The following S100Z variants were observed in gnomAD, a reference collection of about 807,000 sequenced individuals.
The protein encoded by S100Z is S100 calcium binding protein Z.
A neutral mutation model predicts 8.5 loss-of-function variants in S100Z; 11 were observed. That is an observed-to-expected ratio of 1.30 (90% CI 0.82 to 2.15). The LOEUF is 2.15. Ranked by LOEUF, S100Z falls within the 30% of genes most tolerant of loss-of-function variation. The probability of loss-of-function intolerance (pLI) is 0.00; values close to 1 mark genes in which losing one functional copy is unlikely to be tolerated. For missense variants in S100Z, 126 were observed against 117.9 expected (o/e 1.07, Z -0.32); for synonymous variants, 34 against 43.8 (o/e 0.78, Z 0.89).
intron 1 of S100Z, among the ~76,000 whole-genome samples, chr5:76,853,796 TAAA>T (rs769640944): frequency 7.2e-6 from 1 of 138,180 alleles, no homozygotes. Context: ...GACTCCATCT[TAAA>T]AAAAAAAAAA....
chr5:76,868,887 G>T (rs1362781636), intron 1 of S100Z, among the ~76,000 whole-genome samples: 1 of 152,146 alleles, frequency 6.6e-6, no homozygotes, highest in Admixed American at 6.5e-5. Context: ...GCCTCCCAAA[G>T]TGCTGGGATT....
At chr5:76,901,505 C>T (rs533516210) in intron 4 of S100Z, among the ~76,000 whole-genome samples, 23 of 152,352 alleles carry the variant, frequency 1.5e-4, no homozygotes, top group African/African-American at 4.3e-4. Context: ...ATAGCCACCC[C>T]GACCCCAGGT....
the S100Z span, among the ~76,000 whole-genome samples, chr5:76,933,017 T>C: frequency 1.7e-4 from 26 of 152,356 alleles, no homozygotes; most frequent in African/African-American, 6.3e-4. Context: ...TAAATTTAAC[T>C]TACTGTCATA....
At chr5:76,887,459 G>T (rs1413049916) in intron 4 of S100Z, among the ~76,000 whole-genome samples, 1 of 145,034 alleles carries the variant, frequency 6.9e-6, no homozygotes, top group Non-Finnish European at 1.5e-5. Context: ...GAGGGCAGTG[G>T]CACTATCTTG....
chr5:76,915,990 G>A (rs889213917), intron 4 of S100Z, among the ~76,000 whole-genome samples: 5 of 151,860 alleles, frequency 3.3e-5, no homozygotes, highest in Admixed American at 6.6e-5. Context: ...GTGAAACCTC[G>A]TCTCTACTAA....
intron 4 of S100Z, among the ~76,000 whole-genome samples, chr5:76,892,529 TG>T (rs1002276131): frequency 5.3e-5 from 8 of 151,544 alleles, no homozygotes; most frequent in Admixed American, 4.6e-4. Flanking sequence ...TTGCCAAGAT[TG>T]GGGGCATGCA....
At chr5:76,853,747 A>G (rs373207011) in intron 1 of S100Z, among the ~76,000 whole-genome samples, 6 of 151,538 alleles carry the variant, frequency 4.0e-5, no homozygotes, top group South Asian at 2.1e-4. Context: ...CAGTCAGCTG[A>G]GATAGTGCCA....
At chr5:76,907,687 T>G (rs529105802) in intron 4 of S100Z, among the ~76,000 whole-genome samples, 1 of 152,342 alleles carries the variant, frequency 6.6e-6, no homozygotes, top group South Asian at 2.1e-4. Flanking sequence ...TATTCTAGTT[T>G]ACTTTATTAT....
intron 1 of S100Z, among the ~76,000 whole-genome samples, chr5:76,855,534 C>G (rs1750857551): frequency 6.6e-6 from 1 of 152,164 alleles, no homozygotes; most frequent in Non-Finnish European, 1.5e-5. Flanking sequence ...TGCTGGGTTT[C>G]AGACTTGTGT....
At chr5:76,910,515 G>T (rs1256220674) in intron 4 of S100Z, among the ~76,000 whole-genome samples, 11 of 152,180 alleles carry the variant, frequency 7.2e-5, no homozygotes, top group Admixed American at 7.2e-4. Flanking sequence ...GGGATGGCTT[G>T]TTATCAGTGT....
At chr5:76,950,726 A>G in the S100Z span, among the ~76,000 whole-genome samples, 8 of 152,226 alleles carry the variant, frequency 5.3e-5, no homozygotes, top group Non-Finnish European at 1.0e-4. Context: ...GAGTTTTCCC[A>G]GAACATATTT....
intron 1 of S100Z, among the ~76,000 whole-genome samples, chr5:76,853,074 G>A (rs1291550661): frequency 1.3e-5 from 2 of 151,724 alleles, no homozygotes; most frequent in Non-Finnish European, 2.9e-5. Flanking sequence ...GCAGCTTCAA[G>A]CAGCATTTCC....
the S100Z span, among the ~76,000 whole-genome samples, chr5:76,951,547 G>A: frequency 1.3e-5 from 2 of 152,234 alleles, no homozygotes; most frequent in African/African-American, 4.8e-5. Flanking sequence ...GGCATGCCTG[G>A]TGAGTGGGCC....
chr5:76,894,943 G>GA (rs1158914618), intron 4 of S100Z, among the ~76,000 whole-genome samples: 1 of 152,000 alleles, frequency 6.6e-6, no homozygotes, highest in African/African-American at 2.4e-5. Flanking sequence ...ACAATAATCA[G>GA]AAAAAAGCGC....
At chr5:76,882,962 A>G (rs1477489575) in intron 4 of S100Z, among the ~76,000 whole-genome samples, 1 of 152,202 alleles carries the variant, frequency 6.6e-6, no homozygotes, top group Non-Finnish European at 1.5e-5. Flanking sequence ...GATAGGCAAG[A>G]CAATTTGGTT....
intron 2 of S100Z, among the ~76,000 whole-genome samples, chr5:76,873,970 AG>A (rs1276069342): frequency 6.6e-6 from 1 of 152,128 alleles, no homozygotes; most frequent in Non-Finnish European, 1.5e-5. Flanking sequence ...TAACTGAAAA[AG>A]TTAAAATCAC....
At chr5:76,886,457 C>G (rs867721080) in intron 4 of S100Z, among the ~76,000 whole-genome samples, 4 of 152,126 alleles carry the variant, frequency 2.6e-5, no homozygotes, top group Non-Finnish European at 5.9e-5. Context: ...GATTTAAAAT[C>G]GGTGAGATGT....
At chr5:76,947,255 T>C in the S100Z span, among the ~76,000 whole-genome samples, 2 of 151,576 alleles carry the variant, frequency 1.3e-5, no homozygotes, top group African/African-American at 4.8e-5. Flanking sequence ...AATTTCCCTT[T>C]TGGCTTACGC....
intron 4 of S100Z, 85 bp from the exon 5 acceptor site, chr5:76,920,632 A>G (rs1745008121): frequency 6.6e-6 from 1 of 152,224 alleles, no homozygotes; most frequent in African/African-American, 2.4e-5. Context: ...AATGTGTCCA[A>G]TTTAAATGTT....
Sources: allele counts gnomAD v4.1 joint callset (sites outside exome capture counted in the v4.1 genomes callset), GRCh38; gene constraint gnomAD v4.1.1; transcripts MANE v1.5; gene names NCBI Gene and HGNC (gene_info 2026-07-23, HGNC 2026-07-21).